Variants in LEF1 observed in about 807,000 individuals in gnomAD.
LEF1 encodes lymphoid enhancer-binding factor 1.
In LEF1, 14 loss-of-function variants were observed where a neutral mutation model predicts 51.2. The ratio of observed to expected loss-of-function variants is 0.27; its 90% CI spans 0.18 to 0.43. LEF1 has a LOEUF of 0.43. LEF1 is among the 20% of genes least tolerant of loss of function. The pLI, the probability that LEF1 is intolerant of heterozygous loss-of-function variation, is 1.00. For synonymous variants in LEF1, 185 were observed against 183.2 expected, an observed-to-expected ratio of 1.01 and a Z score of -0.08; for missense variants, 386 against 512.0, an observed-to-expected ratio of 0.75 and a Z score of 2.37.
intron 4 of LEF1, 56 bp downstream of exon 4, chr4:108,089,069 A>G: frequency 6.2e-7 from 1 of 1,607,078 alleles, no homozygotes; most frequent in East Asian, 2.2e-5. Context: ...CAGGCTGATG[A>G]GATTTGGCTC....
intron 9 of LEF1, among the ~76,000 whole-genome samples, chr4:108,068,024 T>C (rs1210344408): frequency 6.6e-6 from 1 of 151,840 alleles, no homozygotes; most frequent in Non-Finnish European, 1.5e-5. Flanking sequence ...TCCTAGCACT[T>C]TGAGAGGCTG....
chr4:108,064,148 A>G (rs898902612), intron 10 of LEF1, among the ~76,000 whole-genome samples, 188 bp downstream of exon 10: 1 of 152,184 alleles, frequency 6.6e-6, no homozygotes, highest in Non-Finnish European at 1.5e-5. Flanking sequence ...TTTTACATGT[A>G]CCTTCCCACA....
At chr4:108,104,945 G>C (rs1325890202) in intron 3 of LEF1, among the ~76,000 whole-genome samples, 1 of 152,074 alleles carries the variant, frequency 6.6e-6, no homozygotes, top group African/African-American at 2.4e-5. Context: ...TGTCTTCTAG[G>C]CTTGTTCTCA....
Position 108,167,912 on chromosome 4 carries a change from G to A in LEF1, c.-145C>T. The A allele has an allele frequency of 2.0e-6, 1 of 511,136 alleles. No individual in the cohort carries two copies. The highest frequency in any genetic ancestry group is 3.0e-6 in the Non-Finnish European group (1 of 330,494). 31.7% of individuals were successfully genotyped at this position (511,136 alleles called of 1,614,324 possible). On this transcript the variant is annotated 5_prime_UTR_variant, in exon 1 of 12. Coordinates refer to ENST00000265165, the MANE Select transcript of LEF1 (RefSeq NM_016269.5). The surrounding 1 kb of genome is among the most constrained non-coding windows in gnomAD (Gnocchi z 5.7). The stretch of plus-strand genomic sequence containing the variant: ...CAGCGGGCGGAAGCGGGGCGGGCGA[G>A]CGCGGGGCCGCCGGCCGGCAGCCGG...
chr4:108,137,977 A>T (rs546788790), intron 3 of LEF1, among the ~76,000 whole-genome samples: 52 of 152,322 alleles, frequency 3.4e-4, no homozygotes, highest in African/African-American at 1.3e-3. Context: ...TTGCTTTCCT[A>T]AATTCCAAAT....
In LEF1 at chr4:108,066,665, T is replaced by G. The variant is rs142063591; in HGVS notation, c.1117-2281A>C. Among the ~76,000 whole-genome samples the G allele has an allele frequency of 8.6e-3, 1,305 of 152,332 alleles. 16 individuals are homozygous for G. Among genetic ancestry groups the G allele is most frequent in the African/African-American group, 0.029 (1,185 of 41,566 alleles). On this transcript the variant is annotated intron_variant, in intron 9 of 11. Transcript: ENST00000265165. The stretch of plus-strand genomic sequence containing the variant: ...ACCAGTTCTTCAAGAGAATCTACAT[T>G]TATGATAGGCAAAGAGAACTAAGTA...
chr4:108,117,323 T>C (rs1236833156), intron 3 of LEF1, among the ~76,000 whole-genome samples: 1 of 152,220 alleles, frequency 6.6e-6, no homozygotes, highest in African/African-American at 2.4e-5. Flanking sequence ...TGATTAAATA[T>C]TTTAACAGAA....
intron 3 of LEF1, among the ~76,000 whole-genome samples, chr4:108,118,085 T>C (rs769461619): frequency 6.6e-6 from 1 of 152,180 alleles, no homozygotes; most frequent in Non-Finnish European, 1.5e-5. Flanking sequence ...AGGCTTAGAC[T>C]AAATGAGTTG....
At chr4:108,165,798 G>A (rs1168901613) in intron 1 of LEF1, among the ~76,000 whole-genome samples, 1 of 152,156 alleles carries the variant, frequency 6.6e-6, no homozygotes, top group Admixed American at 6.5e-5. Context: ...CTAAAAGGTA[G>A]CCCAGTTGAT....
intron 8 of LEF1, among the ~76,000 whole-genome samples, chr4:108,075,059 G>A (rs1410344234): frequency 6.6e-6 from 1 of 152,220 alleles, no homozygotes; most frequent in Non-Finnish European, 1.5e-5. Context: ...TTAAGGCGGA[G>A]TTCTTCCAAG....
intron 3 of LEF1, among the ~76,000 whole-genome samples, chr4:108,109,258 C>T (rs912527699): frequency 1.3e-5 from 2 of 152,148 alleles, no homozygotes; most frequent in Non-Finnish European, 2.9e-5. Flanking sequence ...ACTTCCTCGG[C>T]GCTCAATTCA....
intron 3 of LEF1, among the ~76,000 whole-genome samples, chr4:108,092,113 A>T (rs1040719023): frequency 2.6e-5 from 4 of 152,150 alleles, no homozygotes; most frequent in Non-Finnish European, 5.9e-5. Flanking sequence ...TGGTGCCATG[A>T]ATTTTTGCTA....
intron 6 of LEF1, among the ~76,000 whole-genome samples, chr4:108,080,543 A>G (rs1165495350): frequency 1.3e-5 from 2 of 152,240 alleles, no homozygotes; most frequent in African/African-American, 4.8e-5. Context: ...CATGGTAAAA[A>G]TACAAATATT....
intron 8 of LEF1, chr4:108,071,017 G>A (rs1041013289): frequency 1.2e-5 from 4 of 335,690 alleles, no homozygotes; most frequent in East Asian, 4.8e-5. Context: ...GTCAATCAAA[G>A]TGTTCAAAGT....
intron 4 of LEF1, among the ~76,000 whole-genome samples, chr4:108,087,807 G>A (rs1198125432): frequency 6.6e-6 from 1 of 152,114 alleles, no homozygotes; most frequent in Non-Finnish European, 1.5e-5. Context: ...CTCCCCTTGG[G>A]TATCTCACAG....
intron 3 of LEF1, among the ~76,000 whole-genome samples, chr4:108,157,313 G>C (rs1744796977): frequency 1.3e-5 from 2 of 151,800 alleles, no homozygotes; most frequent in South Asian, 4.2e-4. Context: ...AGATTCTCCT[G>C]CCTCAGCCTC....
At chr4:108,144,132 G>A (rs183412820) in intron 3 of LEF1, among the ~76,000 whole-genome samples, 74 of 152,238 alleles carry the variant, frequency 4.9e-4, no homozygotes, top group African/African-American at 1.3e-3. Flanking sequence ...CCCTCTAGAT[G>A]AGGCATTCCA....
intron 3 of LEF1, among the ~76,000 whole-genome samples, chr4:108,099,574 A>ATATATATATGTGTGTG (rs1740645591): frequency 4.0e-5 from 1 of 24,936 alleles, no homozygotes; most frequent in South Asian, 1.3e-3. Context: ...GTGTGTGTAT[A>ATATATATATGTGTGTG]TATATATATA....
rs146369480 is a variant in LEF1, at chr4:108,152,107, C to T, written c.414+11461G>A. Among the ~76,000 whole-genome samples, 26 of 152,250 alleles carry T rather than the reference C, an allele frequency of 1.7e-4. No homozygotes were observed. The East Asian group carries it at 3.3e-3, about 19-fold the overall frequency. ...AGCTCTGAGGGAGGACTTATGAGGA[C>T]CCGAAAGAGAGAGTAGTCACTCTTG... On this transcript the variant is annotated intron_variant, in intron 3 of 11. Coordinates refer to ENST00000265165, the MANE Select transcript of LEF1 (RefSeq NM_016269.5).
Sources: allele counts gnomAD v4.1 joint callset (sites outside exome capture counted in the v4.1 genomes callset), GRCh38; gene constraint gnomAD v4.1.1; non-coding constraint Gnocchi (gnomAD v3.1); transcripts MANE v1.5; gene names NCBI Gene and HGNC (gene_info 2026-07-23, HGNC 2026-07-21).